Variants in EVC observed in about 807,000 individuals in gnomAD.
EVC encodes EvC ciliary complex subunit 1.
A neutral mutation model predicts 118.9 loss-of-function variants in EVC; 116 were observed. The ratio of observed to expected loss-of-function variants is 0.98; its 90% CI spans 0.84 to 1.14. The LOEUF (loss-of-function observed/expected upper bound fraction) is 1.14, where lower values mean the gene tolerates loss of function less well. Among genes scored for constraint, EVC ranks in the 50% most tolerant of loss-of-function variants. The probability of loss-of-function intolerance (pLI) is 0.00; values close to 1 mark genes in which losing one functional copy is unlikely to be tolerated. For synonymous variants in EVC, 619 were observed against 534.7 expected (o/e 1.16, Z -2.18); for missense variants, 1,401 against 1,246.4 (o/e 1.12, Z -1.87).
intron 13 of EVC, among the ~76,000 whole-genome samples, chr4:5,796,383 C>G (rs1440425424): frequency 6.6e-6 from 1 of 152,080 alleles, no homozygotes; most frequent in Non-Finnish European, 1.5e-5. Context: ...TAATTTAAGA[C>G]TTCAAATGAT....
At chr4:5,723,382 G>C (rs951180444) in intron 2 of EVC, among the ~76,000 whole-genome samples, 1 of 151,924 alleles carries the variant, frequency 6.6e-6, no homozygotes, top group African/African-American at 2.4e-5. Context: ...GTAGAGGCGG[G>C]CTTCCACCAT....
Position 5,748,574 on chromosome 4 carries a change from A to ATCTG in EVC, c.1098+270_1098+271insTGTC, listed in dbSNP as rs1560330408. ...TGCCCTCCCACCCATTTATCCATCC[A>ATCTG]TCCATCCACCCATCCATCCATCCAT... On this transcript the variant is annotated intron_variant, in intron 8 of 20. Coordinates refer to ENST00000264956, the MANE Select transcript of EVC (RefSeq NM_153717.3). Among the ~76,000 whole-genome samples the ATCTG allele has an allele frequency of 1.9e-4, 20 of 103,004 alleles. 1 individual carries two copies. Among genetic ancestry groups the ATCTG allele is most frequent in the Non-Finnish European group, 3.0e-4 (15 of 49,472 alleles). 67.6% of individuals were successfully genotyped at this position (103,004 alleles called of 152,430 possible). A position where few individuals can be genotyped will look rare whatever the true frequency, so the allele number is the denominator to read the frequency against.
At chr4:5,782,806 G>A (rs1374374393) in intron 11 of EVC, among the ~76,000 whole-genome samples, 1 of 152,102 alleles carries the variant, frequency 6.6e-6, no homozygotes, top group Admixed American at 6.6e-5. Context: ...GATAAGACGT[G>A]AAGTTTATGA....
chr4:5,768,595 A>G (rs1398059101), intron 11 of EVC, among the ~76,000 whole-genome samples: 1 of 152,096 alleles, frequency 6.6e-6, no homozygotes, highest in African/African-American at 2.4e-5. Flanking sequence ...AGTGGCTCAC[A>G]CCTGTGATCC....
the EVC span, chr4:5,824,213 T>C: frequency 1.2e-6 from 1 of 812,034 alleles, no homozygotes. Flanking sequence ...CTTGAGAGCT[T>C]GTGTCTTGTT....
rs781506461 is a variant in EVC, at chr4:5,802,058, G to C, written c.2413G>C (p.Glu805Gln). ...QQIGRIMEDH[E>Q]ERKLQHLKTL... is the part of the protein sequence containing the mutation. ...AATCGGAAGGATCATGGAGGACCAC[G>C]AGGAGAGAAAACTGCAGCACCTGAA... Residue 805 changes from glutamate to glutamine, a missense_variant, in exon 16 of 21, where the codon GAG becomes CAG. Physicochemically the swap from Glu to Gln is conservative, Grantham distance 29. Coordinates refer to ENST00000264956, the MANE Select transcript of EVC (RefSeq NM_153717.3). 1 of 1,614,220 alleles carries C rather than the reference G, an allele frequency of 6.2e-7. No individual in the cohort carries two copies. The highest frequency in any genetic ancestry group is 8.5e-7 in the Non-Finnish European group (1 of 1,180,038).
rs945837217 is a variant in EVC at position 5,738,880 on chromosome 4, T to C, written c.703-2836T>C. Among the ~76,000 whole-genome samples the C allele has an allele frequency of 1.3e-5, 2 of 152,178 alleles. No homozygotes were observed. Among genetic ancestry groups the C allele is most frequent in the Non-Finnish European group, 2.9e-5 (2 of 68,038 alleles). ...CGCACCCAGCCCAACAACTTTTTTT[T>C]AATAATCATCTTAGGCTCAGATGAT... On this transcript the variant is annotated intron_variant, in intron 5 of 20. Coordinates refer to ENST00000264956, the MANE Select transcript of EVC (RefSeq NM_153717.3). This position sits in a 1 kb window ranked among gnomAD's most constrained non-coding sequence, Gnocchi z 6.5.
intron 11 of EVC, among the ~76,000 whole-genome samples, chr4:5,766,596 C>T (rs1577493619): frequency 8.0e-6 from 1 of 125,176 alleles, no homozygotes; most frequent in Non-Finnish European, 1.7e-5. Flanking sequence ...GGAGGCTTTG[C>T]TCATTTCTTT....
intron 2 of EVC, among the ~76,000 whole-genome samples, chr4:5,725,289 G>A (rs1725628650): frequency 6.6e-6 from 1 of 152,142 alleles, no homozygotes; most frequent in South Asian, 2.1e-4. Context: ...GCTCTTTGAG[G>A]AATCGCCACA....
intron 1 of EVC, among the ~76,000 whole-genome samples, chr4:5,717,609 A>G (rs1332737624): frequency 6.6e-6 from 1 of 150,810 alleles, no homozygotes; most frequent in African/African-American, 2.4e-5. Context: ...TTCATCATCC[A>G]CCCCAAGACC....
intron 11 of EVC, among the ~76,000 whole-genome samples, chr4:5,782,957 A>T (rs1048697995): frequency 6.6e-6 from 1 of 152,088 alleles, no homozygotes; most frequent in Non-Finnish European, 1.5e-5. Context: ...TCACTGTGGG[A>T]GGAGAGCAGG....
chr4:5,814,040 C>T lies in EVC; in HGVS notation c.*3003C>T, dbSNP rs925684369. The T allele has an allele frequency of 1.3e-5, 2 of 152,266 alleles. No individual in the cohort carries two copies. Among genetic ancestry groups the T allele is most frequent in the African/African-American group, 4.8e-5 (2 of 41,460 alleles). 9.4% of individuals were successfully genotyped at this position (152,266 alleles called of 1,614,324 possible). ...TTTAGCCAGTGTACCTGGGCACAGA[C>T]TCGGGGCTGCCCTGAAGCTGATGAA... is the stretch of plus-strand genomic sequence containing the variant. On this transcript the variant is annotated 3_prime_UTR_variant, in exon 21 of 21. Transcript: ENST00000264956.
rs553977688 is a variant in EVC at position 5,788,586 on chromosome 4, A to C, written c.1776+4822A>C. ...CCTTCCTCCATTTTTCTACTAAATTAGGGCAAAAACCTTGGGGTCATCCTC... is the reference window on the plus strand; with the variant it reads ...CCTTCCTCCATTTTTCTACTAAATTCGGGCAAAAACCTTGGGGTCATCCTC... On this transcript the variant is annotated intron_variant, in intron 12 of 20. Coordinates refer to ENST00000264956, the MANE Select transcript of EVC (RefSeq NM_153717.3). Among the ~76,000 whole-genome samples, 10 of 152,344 alleles carry C rather than the reference A, an allele frequency of 6.6e-5. No individual in the cohort carries two copies. The South Asian group carries it at 1.9e-3, about 28-fold the overall frequency.
chr4:5,810,506 C>T (rs1716735795), intron 20 of EVC, 56 bp downstream of exon 20: 1 of 1,336,254 alleles, frequency 7.5e-7, no homozygotes, highest in South Asian at 1.2e-5. Flanking sequence ...ATGCACTCAG[C>T]TGCTGTGTGC....
intron 2 of EVC, among the ~76,000 whole-genome samples, chr4:5,720,267 C>G (rs771168677): frequency 6.6e-6 from 1 of 152,162 alleles, no homozygotes; most frequent in Admixed American, 6.5e-5. Context: ...GTGAGTGATG[C>G]CAACACTCAC....
chr4:5,732,691 G>A (rs188681671), intron 4 of EVC, among the ~76,000 whole-genome samples: 18 of 152,158 alleles, frequency 1.2e-4, no homozygotes, highest in Admixed American at 2.6e-4. Flanking sequence ...AGGCACCGAG[G>A]AAAGGTGACA....
chr4:5,759,161 G>A lies in EVC; in HGVS notation c.1563+2799G>A, dbSNP rs928111419. 2.6e-5 allele frequency among the ~76,000 whole-genome samples: 4 copies of A among 152,084 alleles called. No individual in the cohort carries two copies. In the South Asian group the frequency reaches 6.2e-4, roughly 24 times the overall value. ...TGTCTCATTAGCATCTTAAGTCTCC[G>A]TCCAAAGGTGTGTTTTTTACTATTA... On this transcript the variant is annotated intron_variant, in intron 11 of 20. Transcript: ENST00000264956.
rs933938421 is a variant in EVC, at chr4:5,749,768, T to C, written c.1098+1462T>C. On this transcript the variant is annotated intron_variant, in intron 8 of 20. Transcript: ENST00000264956. This position sits in a 1 kb window ranked among gnomAD's most constrained non-coding sequence, Gnocchi z 4.4. ...GGCAGCTCGGCTCAGAACCCTGCAG[T>C]GGCCACCCTGCCCTCAGCACAGACT... 2.0e-5 allele frequency among the ~76,000 whole-genome samples: 3 copies of C among 152,136 alleles called. No individual in the cohort carries two copies. Among genetic ancestry groups the C allele is most frequent in the African/African-American group, 7.2e-5 (3 of 41,444 alleles).
Position 5,765,279 on chromosome 4 carries a change from A to G in EVC, c.1563+8917A>G, listed in dbSNP as rs1732692525. On this transcript the variant is annotated intron_variant, in intron 11 of 20. Coordinates refer to ENST00000264956, the MANE Select transcript of EVC (RefSeq NM_153717.3). ...TGTGGTCTGAGAGATAGTTTGTTAT[A>G]AATTCTATTCTTTTACATTTGCTGA... Among the ~76,000 whole-genome samples the G allele has an allele frequency of 1.7e-5, 2 of 117,182 alleles. 1 individual carries two copies. The highest frequency in any genetic ancestry group is 6.7e-5 in the African/African-American group (2 of 30,008). 76.9% of individuals were successfully genotyped at this position (117,182 alleles called of 152,430 possible).
Sources: gnomAD v4.1 joint callset for allele counts (sites outside exome capture counted in the v4.1 genomes callset) on GRCh38, gnomAD v4.1.1 for gene constraint, Gnocchi (gnomAD v3.1) non-coding constraint, MANE v1.5 for transcripts, NCBI Gene and HGNC (gene_info 2026-07-23, HGNC 2026-07-21) for gene names.